The following USP45 variants were observed in gnomAD, a reference collection of about 807,000 sequenced individuals.
USP45 encodes the protein ubiquitin carboxyl-terminal hydrolase 45.
In USP45, 89 loss-of-function variants were observed where a neutral mutation model predicts 95.8. The observed-to-expected ratio is 0.93, with a 90% CI of 0.78 to 1.11. The LOEUF (loss-of-function observed/expected upper bound fraction) is 1.11, where lower values mean the gene tolerates loss of function less well. Ranked by LOEUF, USP45 falls within the 50% of genes least tolerant of loss-of-function variation. The pLI is 0.00. For synonymous variants in USP45, 281 were observed against 316.2 expected, an observed-to-expected ratio of 0.89 and a Z score of 1.18; for missense variants, 898 against 942.5, an observed-to-expected ratio of 0.95 and a Z score of 0.62.
intron 16 of USP45, 112 bp from the exon 17 acceptor site, chr6:99,437,511 A>G: frequency 8.9e-7 from 1 of 1,126,146 alleles, no homozygotes; most frequent in Non-Finnish European, 1.2e-6. Context: ...AGTAAAACTG[A>G]GATACTTTCC....
At chr6:99,514,245 G>C (rs1800604569) in intron 1 of USP45, among the ~76,000 whole-genome samples, 1 of 152,182 alleles carries the variant, frequency 6.6e-6, no homozygotes, top group Non-Finnish European at 1.5e-5. Context: ...TCCTTATGCG[G>C]TCTCCCTCCC....
Position 99,488,205 on chromosome 6 carries a change from G to T in USP45, c.709C>A (p.Gln237Lys). The part of the protein sequence containing the change: ...KLKIFPSSDS[Q>K]LDPLVVELSR... Reference sequence around the variant, plus strand: ...TTCAAACAGTTATTACTCACCAGCTGAGAGTCTGAGGAAGGAAAAATCTTG... The same window carrying T: ...TTCAAACAGTTATTACTCACCAGCTTAGAGTCTGAGGAAGGAAAAATCTTG... Residue 237 changes from glutamine to lysine, a missense_variant, in exon 7 of 18, where the codon CAG becomes AAG. Gln to Lys is a moderately conservative substitution (Grantham distance 53). Transcript: ENST00000500704. The T allele has an allele frequency of 6.2e-7, 1 of 1,603,012 alleles. No homozygotes were observed. Among genetic ancestry groups the T allele is most frequent in the Non-Finnish European group, 8.5e-7 (1 of 1,170,860 alleles).
intron 14 of USP45, among the ~76,000 whole-genome samples, chr6:99,443,906 G>C (rs75153707): frequency 0.13 from 19,852 of 152,152 alleles, 1,856 homozygotes; most frequent in Non-Finnish European, 0.18. Flanking sequence ...ACAAAATTTT[G>C]GAAGGTAGAA....
chr6:99,498,355 C>T (rs901926073), intron 5 of USP45, among the ~76,000 whole-genome samples: 4 of 152,156 alleles, frequency 2.6e-5, no homozygotes, highest in African/African-American at 7.2e-5. Context: ...TTACTGTCTA[C>T]CCACATAAAA....
chr6:99,447,184 GT>G (rs765014500), intron 13 of USP45, among the ~76,000 whole-genome samples: 17 of 152,084 alleles, frequency 1.1e-4, no homozygotes, highest in Non-Finnish European at 2.4e-4. Flanking sequence ...AATAACCTAA[GT>G]TTGGGAAGGG....
At chr6:99,507,797 C>T (rs1798860036) in intron 3 of USP45, among the ~76,000 whole-genome samples, 1 of 152,212 alleles carries the variant, frequency 6.6e-6, no homozygotes, top group African/African-American at 2.4e-5. Context: ...CTGTGGAACA[C>T]CCAGCATCCT....
intron 7 of USP45, 63 bp from the exon 8 acceptor site, chr6:99,482,946 CTG>C: frequency 1.5e-6 from 2 of 1,347,268 alleles, no homozygotes; most frequent in East Asian, 2.7e-5. Flanking sequence ...TATTAAAAAT[CTG>C]TGAGTTACAC....
Position 99,478,215 on chromosome 6 carries a change from GATTTGT to G in USP45, c.846-1991_846-1986del, listed in dbSNP as rs1236195363. Among the ~76,000 whole-genome samples the G allele has an allele frequency of 7.5e-4, 87 of 115,606 alleles. 1 individual carries two copies. Among genetic ancestry groups the G allele is most frequent in the African/African-American group, 2.4e-3 (79 of 33,108 alleles). 75.8% of individuals were successfully genotyped at this position (115,606 alleles called of 152,430 possible). On this transcript the variant is annotated intron_variant, in intron 8 of 17. Transcript: ENST00000500704. ...CACTGAAGAAAATTTAATAAACTTAGATTTGTTTTTTTTTTTTTTTTTTTTTTTTAA... is the reference window on the plus strand; with the variant it reads ...CACTGAAGAAAATTTAATAAACTTAGTTTTTTTTTTTTTTTTTTTTTTTAA...
At chr6:99,440,951 G>A (rs1462258874) in intron 15 of USP45, among the ~76,000 whole-genome samples, 1 of 152,180 alleles carries the variant, frequency 6.6e-6, no homozygotes, top group East Asian at 1.9e-4. Context: ...GAGACTGTGT[G>A]AAGGACTTTA....
intron 1 of USP45, among the ~76,000 whole-genome samples, chr6:99,512,941 T>C (rs967375379): frequency 6.6e-6 from 1 of 152,152 alleles, no homozygotes; most frequent in African/African-American, 2.4e-5. Context: ...TTTCCTATAG[T>C]GTCCAGGCTG....
chr6:99,467,345 G>A (rs1788219017), intron 10 of USP45, among the ~76,000 whole-genome samples: 1 of 152,092 alleles, frequency 6.6e-6, no homozygotes, highest in Non-Finnish European at 1.5e-5. Flanking sequence ...TTTAAGTTGG[G>A]TGACAGATAT....
At position 99,446,351 on chromosome 6, in the gene USP45, C is replaced by G. The variant is rs186547559; in HGVS notation, c.1421G>C (p.Ser474Thr). 1.7e-5 allele frequency: 28 copies of G among 1,614,158 alleles called. No homozygotes were observed. In the East Asian group the frequency reaches 5.6e-4, roughly 32 times the overall value. Residue 474 changes from serine to threonine, a missense_variant, in exon 14 of 18, where the codon AGC becomes ACC. Physicochemically the swap from Ser to Thr is moderately conservative, Grantham distance 58. Transcript: ENST00000500704. ...CAGACGTGACTCAGAATTCATGAGG[C>G]TGGCAAACATTAAAGAATCCCCATT... ...EMNGDSLMFA[S>T]LMNSESRLNE...
Position 99,486,256 on chromosome 6 carries a change from C to A in USP45, c.714+1944G>T, listed in dbSNP as rs553986692. 2.6e-5 allele frequency among the ~76,000 whole-genome samples: 4 copies of A among 152,224 alleles called. No individual in the cohort carries two copies. The South Asian group carries it at 8.3e-4, about 32-fold the overall frequency. On this transcript the variant is annotated intron_variant, in intron 7 of 17. Transcript: ENST00000500704. ...TGCCACAGCTCAGGTCAACTTTATG[C>A]CCTAAAAACCTAAGATATAAGATTC...
chr6:99,516,002 C>T (rs1013455980), upstream of USP45, among the ~76,000 whole-genome samples: 3 of 151,954 alleles, frequency 2.0e-5, no homozygotes, highest in Non-Finnish European at 4.4e-5. Flanking sequence ...TGGTCTCGAT[C>T]TCCTGACCTT....
intron 13 of USP45, among the ~76,000 whole-genome samples, chr6:99,458,326 G>A (rs1455311483): frequency 1.3e-5 from 2 of 152,082 alleles, no homozygotes; most frequent in African/African-American, 2.4e-5. Flanking sequence ...GCCAGTATCA[G>A]CTATTACGAT....
intron 16 of USP45, among the ~76,000 whole-genome samples, chr6:99,438,892 T>C (rs1781008004): frequency 6.6e-6 from 1 of 152,220 alleles, no homozygotes; most frequent in Non-Finnish European, 1.5e-5. Context: ...TTGTGTTTAT[T>C]GGAAATTCTC....
At chr6:99,462,462 A>G in intron 13 of USP45, 23 of 983,560 alleles carry the variant, frequency 2.3e-5, no homozygotes, top group Non-Finnish European at 2.8e-5. Flanking sequence ...ACACATTTAT[A>G]TTTTAATAAC....
intron 13 of USP45, chr6:99,461,318 A>G (rs1347094948): frequency 2.0e-6 from 2 of 985,280 alleles, no homozygotes; most frequent in Non-Finnish European, 2.4e-6. Flanking sequence ...AAAATAGCCT[A>G]TGGAATAGAC....
chr6:99,467,954 A>G (rs778960991), intron 10 of USP45: 4 of 228,114 alleles, frequency 1.8e-5, no homozygotes, highest in Admixed American at 1.0e-4. Context: ...CAGAATATAC[A>G]TTTAGGGCAA....
Sources: gnomAD v4.1 joint callset for allele counts (sites outside exome capture counted in the v4.1 genomes callset) on GRCh38, gnomAD v4.1.1 for gene constraint, MANE v1.5 for transcripts, NCBI Gene and HGNC (gene_info 2026-07-23, HGNC 2026-07-21) for gene names.